The following CDKAL1 variants were observed in gnomAD, a reference collection of about 807,000 sequenced individuals.
CDKAL1 encodes threonylcarbamoyladenosine tRNA methylthiotransferase.
Under a neutral mutation model 68.2 loss-of-function variants are expected in CDKAL1, and 32 were observed. The observed-to-expected ratio is 0.47, with a 90% CI of 0.35 to 0.63. The LOEUF (loss-of-function observed/expected upper bound fraction) is 0.63, where lower values mean the gene tolerates loss of function less well. Ranked by LOEUF, CDKAL1 falls within the 30% of genes least tolerant of loss-of-function variation. The pLI is 0.00. For missense variants in CDKAL1, 606 were observed against 696.7 expected (o/e 0.87, Z 1.47); for synonymous variants, 234 against 244.3 (o/e 0.96, Z 0.39).
In CDKAL1 at chr6:20,573,580, T is replaced by A. The variant is rs570940376; in HGVS notation, c.286+24875T>A. Among the ~76,000 whole-genome samples the A allele has an allele frequency of 3.3e-5, 5 of 152,300 alleles. No individual in the cohort carries two copies. In the East Asian group the frequency reaches 5.8e-4, roughly 18 times the overall value. Reference sequence around the variant, plus strand: ...TTTACTGTAAAAGTCAAAATTAGATTTCTTCTATATTTGACAGAATTTATT... The same window carrying A: ...TTTACTGTAAAAGTCAAAATTAGATATCTTCTATATTTGACAGAATTTATT... On this transcript the variant is annotated intron_variant, in intron 4 of 15. Coordinates refer to ENST00000274695, the MANE Select transcript of CDKAL1 (RefSeq NM_017774.3).
In CDKAL1 at chr6:20,539,603, A is replaced by G. The variant is rs1006648281; in HGVS notation, c.-6+4209A>G. On this transcript the variant is annotated intron_variant, in intron 2 of 15. Transcript: ENST00000274695. This position sits in a 1 kb window ranked among gnomAD's most constrained non-coding sequence, Gnocchi z 4.3. ...GTCTTAAGTAAGAGCATTCCAGGCA[A>G]GAATAAGACTGTGAAATGAATGCAT... 4.6e-5 allele frequency among the ~76,000 whole-genome samples: 7 copies of G among 152,298 alleles called. No homozygotes were observed. The highest frequency in any genetic ancestry group is 4.6e-4 in the Admixed American group (7 of 15,296).
chr6:21,015,063 C>T (rs1768249232), intron 11 of CDKAL1, among the ~76,000 whole-genome samples: 1 of 152,226 alleles, frequency 6.6e-6, no homozygotes, highest in African/African-American at 2.4e-5. Context: ...GCATATCTTT[C>T]TCCCACTGCT....
At chr6:21,047,007 G>T (rs1202723661) in intron 11 of CDKAL1, among the ~76,000 whole-genome samples, 1 of 151,872 alleles carries the variant, frequency 6.6e-6, no homozygotes, top group African/African-American at 2.4e-5. Context: ...AATTCAAGTT[G>T]TTCAAAATAA....
intron 7 of CDKAL1, among the ~76,000 whole-genome samples, chr6:20,770,125 A>C (rs1774876192): frequency 6.6e-6 from 1 of 152,012 alleles, no homozygotes; most frequent in Non-Finnish European, 1.5e-5. Flanking sequence ...TTTTGTGCCA[A>C]CATAAAACAT....
At chr6:20,836,655 T>C (rs1414280564) in intron 8 of CDKAL1, among the ~76,000 whole-genome samples, 1 of 152,196 alleles carries the variant, frequency 6.6e-6, no homozygotes, top group African/African-American at 2.4e-5. Context: ...TCCAAATGTT[T>C]CTGAAAACAG....
intron 4 of CDKAL1, among the ~76,000 whole-genome samples, chr6:20,579,691 G>C (rs936684397): frequency 1.3e-5 from 2 of 152,174 alleles, no homozygotes; most frequent in Non-Finnish European, 2.9e-5. Flanking sequence ...TCTGATTTCA[G>C]AGCCCGTGCT....
At chr6:20,995,391 C>A (rs1767049493) in intron 10 of CDKAL1, among the ~76,000 whole-genome samples, 1 of 152,156 alleles carries the variant, frequency 6.6e-6, no homozygotes, top group Non-Finnish European at 1.5e-5. Context: ...GCAGTTATAG[C>A]CTTACAAAAA....
intron 11 of CDKAL1, among the ~76,000 whole-genome samples, chr6:21,033,276 A>G (rs1207541675): frequency 6.6e-6 from 1 of 152,196 alleles, no homozygotes; most frequent in Non-Finnish European, 1.5e-5. Context: ...GTGACCATTG[A>G]TGAGATCAGC....
chr6:20,836,651 T>C (rs1355922642), intron 8 of CDKAL1, among the ~76,000 whole-genome samples: 3 of 152,204 alleles, frequency 2.0e-5, no homozygotes, highest in Non-Finnish European at 4.4e-5. Flanking sequence ...TCCATCCAAA[T>C]GTTTCTGAAA....
intron 5 of CDKAL1, among the ~76,000 whole-genome samples, chr6:20,688,582 TTTCTC>T (rs1322161811): frequency 6.6e-6 from 1 of 152,328 alleles, no homozygotes; most frequent in African/African-American, 2.4e-5. Flanking sequence ...GTGTTTTTGA[TTTCTC>T]TTATATGTTT....
intron 4 of CDKAL1, among the ~76,000 whole-genome samples, chr6:20,636,569 A>T (rs140530956): frequency 2.1e-4 from 32 of 152,310 alleles, no homozygotes; most frequent in Non-Finnish European, 3.8e-4. Context: ...CTATCATCTC[A>T]GCCAAATGGT....
intron 10 of CDKAL1, among the ~76,000 whole-genome samples, chr6:20,970,155 T>TA (rs1364166760): frequency 1.3e-5 from 2 of 152,264 alleles, no homozygotes; most frequent in Non-Finnish European, 2.9e-5. Flanking sequence ...CCAATAATGA[T>TA]AGTTTTTCTG....
intron 9 of CDKAL1, among the ~76,000 whole-genome samples, chr6:20,914,581 C>T (rs770446045): frequency 3.9e-5 from 6 of 152,110 alleles, no homozygotes; most frequent in Admixed American, 2.6e-4. Context: ...GTACTCTGTA[C>T]ACTAAGATGG....
chr6:21,073,913 T>C (rs1771930401), intron 12 of CDKAL1, among the ~76,000 whole-genome samples: 1 of 152,212 alleles, frequency 6.6e-6, no homozygotes, highest in African/African-American at 2.4e-5. Context: ...TCTGAAACAG[T>C]AAACTTAGGT....
At chr6:20,558,276 C>G (rs1764138695) in intron 4 of CDKAL1, among the ~76,000 whole-genome samples, 2 of 152,192 alleles carry the variant, frequency 1.3e-5, no homozygotes, top group African/African-American at 2.4e-5. Flanking sequence ...TCTATCAGCT[C>G]TCTCCAAGGG....
intron 6 of CDKAL1, among the ~76,000 whole-genome samples, chr6:20,739,954 G>A (rs762507943): frequency 1.8e-4 from 27 of 151,968 alleles, no homozygotes; most frequent in Non-Finnish European, 2.9e-4. Context: ...CTTGCTTTTC[G>A]CCCCCTAGTA....
At chr6:21,067,428 G>GTA (rs748177801) in intron 12 of CDKAL1, among the ~76,000 whole-genome samples, 5 of 152,058 alleles carry the variant, frequency 3.3e-5, no homozygotes, top group Non-Finnish European at 5.9e-5. Context: ...TACAGCATGC[G>GTA]TATATATATC....
chr6:20,887,755 C>T (rs898824834), intron 9 of CDKAL1, among the ~76,000 whole-genome samples: 1 of 144,264 alleles, frequency 6.9e-6, no homozygotes, highest in Non-Finnish European at 1.5e-5. Context: ...AGAACTCACT[C>T]GCTTAAGATC....
intron 10 of CDKAL1, among the ~76,000 whole-genome samples, chr6:20,956,374 A>G (rs1409001145): frequency 6.6e-6 from 1 of 152,206 alleles, no homozygotes; most frequent in Non-Finnish European, 1.5e-5. Context: ...GACACAGTAA[A>G]TATGAGCAAA....
Sources: gnomAD v4.1 joint callset for allele counts (sites outside exome capture counted in the v4.1 genomes callset) on GRCh38, gnomAD v4.1.1 for gene constraint, Gnocchi (gnomAD v3.1) non-coding constraint, MANE v1.5 for transcripts, NCBI Gene and HGNC (gene_info 2026-07-23, HGNC 2026-07-21) for gene names.